COL27A1: variants seen among roughly 807,000 people sequenced by gnomAD.
COL27A1 encodes the protein collagen type XXVII alpha 1 chain.
COL27A1 carries 106 observed loss-of-function variants against 251.3 expected under a neutral mutation model. The observed-to-expected ratio is 0.42, with a 90% confidence interval of 0.36 to 0.50. The LOEUF (loss-of-function observed/expected upper bound fraction) is 0.50. Among genes scored for constraint, COL27A1 ranks in the 20% least tolerant of loss-of-function variants. The pLI is 0.00. For missense variants in COL27A1, 2,325 were observed against 2,522.8 expected, an observed-to-expected ratio of 0.92 and a Z score of 1.68; for synonymous variants, 1,000 against 986.3, an observed-to-expected ratio of 1.01 and a Z score of -0.26.
At position 114,206,104 on chromosome 9, in the gene COL27A1, G is replaced by A. The variant is rs114623743; in HGVS notation, c.2224-148G>A. ...CACCTCCCTGGGATCCTAGGGCTGT[G>A]GGGGTCAGGCCAAAGATCGCTGATC... On this transcript the variant is annotated intron_variant, in intron 9 of 60. Transcript: ENST00000356083. 2,278 of 791,228 alleles carry A rather than the reference G, an allele frequency of 2.9e-3. 30 individuals carry two copies. In the African/African-American group the frequency reaches 0.029, roughly 10 times the overall value. 49.0% of individuals were successfully genotyped at this position (791,228 alleles called of 1,614,324 possible). A position where few individuals can be genotyped will look rare whatever the true frequency, so the allele number is the denominator to read the frequency against.
intron 4 of COL27A1, 76 bp downstream of exon 4, chr9:114,178,420 G>A: frequency 7.4e-7 from 1 of 1,345,340 alleles, no homozygotes; most frequent in African/African-American, 1.4e-5. Context: ...GAGGTCTCGG[G>A]TTTGCTGTGT....
chr9:114,173,390 G>A (rs1849463105), intron 3 of COL27A1, among the ~76,000 whole-genome samples: 1 of 152,224 alleles, frequency 6.6e-6, no homozygotes, highest in Non-Finnish European at 1.5e-5. Context: ...CGAAATGCAG[G>A]TCGTCCTGAC....
intron 9 of COL27A1, 110 bp downstream of exon 9, chr9:114,205,922 C>T: frequency 5.1e-6 from 5 of 977,580 alleles, no homozygotes; most frequent in African/African-American, 1.6e-5. Flanking sequence ...GCTGCACCTG[C>T]TGGGTGGACC....
At chr9:114,247,179 G>T (rs1331636166) in intron 24 of COL27A1, among the ~76,000 whole-genome samples, 1 of 152,054 alleles carries the variant, frequency 6.6e-6, no homozygotes, top group East Asian at 1.9e-4. Flanking sequence ...ATGCTTCTTT[G>T]GCAATGCATT....
chr9:114,229,124 G>A (rs7872468), intron 14 of COL27A1, among the ~76,000 whole-genome samples: 4,331 of 152,352 alleles, frequency 0.028, 101 homozygotes, highest in Middle Eastern at 0.048. Context: ...GCGCCACGCT[G>A]GGCCTGAAAG....
At chr9:114,161,434 G>A (rs1487003551) in intron 1 of COL27A1, among the ~76,000 whole-genome samples, 1 of 152,146 alleles carries the variant, frequency 6.6e-6, no homozygotes, top group African/African-American at 2.4e-5. Context: ...GCAGGAAGGA[G>A]GGATGCTGTG....
intron 27 of COL27A1, among the ~76,000 whole-genome samples, chr9:114,256,243 G>A (rs1272799407): frequency 5.3e-5 from 8 of 152,312 alleles, no homozygotes; most frequent in Non-Finnish European, 1.0e-4. Context: ...TGTAATCCCA[G>A]CACTTTGGGA....
chr9:114,209,873 A>G, intron 11 of COL27A1, 145 bp downstream of exon 11: 1 of 735,378 alleles, frequency 1.4e-6, no homozygotes, highest in East Asian at 2.5e-5. Context: ...ATAAGGGGAC[A>G]AGTCAAGGCA....
chr9:114,189,750 C>T (rs1485884324), intron 5 of COL27A1, among the ~76,000 whole-genome samples: 5 of 152,016 alleles, frequency 3.3e-5, no homozygotes, highest in Admixed American at 6.6e-5. Flanking sequence ...TTTTTGCTGT[C>T]CTGAATGGAA....
At position 114,157,517 on chromosome 9, in the gene COL27A1, G is replaced by A. The variant is rs182700888; in HGVS notation, c.62+1505G>A. On this transcript the variant is annotated intron_variant, in intron 1 of 60. Transcript: ENST00000356083. ...TCTCCTGTGCCTCCACCAGCGCTGC[G>A]GACCCTCAGCAGCCAGCAGCCTCCT... Among the ~76,000 whole-genome samples the A allele has an allele frequency of 5.3e-5, 8 of 152,280 alleles. 1 individual carries two copies. In the East Asian group the frequency reaches 1.5e-3, roughly 29 times the overall value.
intron 58 of COL27A1, chr9:114,307,362 C>T (rs1362971611): frequency 3.2e-6 from 1 of 313,004 alleles, no homozygotes; most frequent in African/African-American, 2.2e-5. Flanking sequence ...ATCCCCCAAA[C>T]CCTTGTGCAA....
chr9:114,254,577 AG>A (rs1833800186), intron 27 of COL27A1, among the ~76,000 whole-genome samples: 1 of 152,076 alleles, frequency 6.6e-6, no homozygotes, highest in Non-Finnish European at 1.5e-5. Context: ...ACAGATCCGG[AG>A]GTAGGGCTGA....
chr9:114,290,014 A>G lies in COL27A1; in HGVS notation c.4207-44A>G. ...CCTTCCAGAGCCCCTAGGGTCCCAC[A>G]CCTCTACCAGGCAGCCTCCATCATG... is the stretch of plus-strand genomic sequence containing the variant. On this transcript the variant is annotated intron_variant, in intron 45 of 60. Coordinates refer to ENST00000356083, the MANE Select transcript of COL27A1 (RefSeq NM_032888.4). The surrounding 1 kb of genome is among the most constrained non-coding windows in gnomAD (Gnocchi z 4.6). 1 of 1,607,544 alleles carries G rather than the reference A, an allele frequency of 6.2e-7. No homozygotes were observed. Among genetic ancestry groups the G allele is most frequent in the Non-Finnish European group, 8.5e-7 (1 of 1,176,642 alleles).
chr9:114,249,113 C>T (rs1362564649), intron 24 of COL27A1, among the ~76,000 whole-genome samples: 1 of 152,132 alleles, frequency 6.6e-6, no homozygotes, highest in Non-Finnish European at 1.5e-5. Context: ...CTGATTTGCC[C>T]AGAACCCACA....
At chr9:114,193,172 A>T (rs147201429) in intron 5 of COL27A1, among the ~76,000 whole-genome samples, 1 of 152,258 alleles carries the variant, frequency 6.6e-6, no homozygotes, top group African/African-American at 2.4e-5. Flanking sequence ...GAGAGGGCTC[A>T]AGGTGGGATA....
intron 27 of COL27A1, 63 bp from the exon 28 acceptor site, chr9:114,258,478 G>GC (rs1304140437): frequency 1.3e-5 from 20 of 1,512,430 alleles, no homozygotes; most frequent in African/African-American, 2.8e-5. Flanking sequence ...CACACTCCCA[G>GC]CCCCCCGTGT....
At chr9:114,187,973 T>C (rs780465644) in intron 5 of COL27A1, among the ~76,000 whole-genome samples, 1 of 152,232 alleles carries the variant, frequency 6.6e-6, no homozygotes, top group Non-Finnish European at 1.5e-5. Context: ...GAATCCTGGC[T>C]CTACTGATGC....
chr9:114,283,885 GTGGGGTCTCACCTGCCCCAGGGAGCGC>G, intron 40 of COL27A1, 123 bp downstream of exon 40: 5 of 1,021,972 alleles, frequency 4.9e-6, no homozygotes, highest in Non-Finnish European at 7.4e-6. Context: ...TACTGAAGAT[GTGGGGTCTCACCTGCCCCAGGGAGCGC>G]TGGGCCCAGA....
chr9:114,238,862 G>A (rs1179543443), intron 19 of COL27A1, among the ~76,000 whole-genome samples: 1 of 152,176 alleles, frequency 6.6e-6, no homozygotes, highest in South Asian at 2.1e-4. Flanking sequence ...CACGACAGCC[G>A]CATGAGGGGG....
Sources: gnomAD v4.1 joint callset for allele counts (sites outside exome capture counted in the v4.1 genomes callset) on GRCh38, gnomAD v4.1.1 for gene constraint, Gnocchi (gnomAD v3.1) non-coding constraint, MANE v1.5 for transcripts, NCBI Gene and HGNC (gene_info 2026-07-23, HGNC 2026-07-21) for gene names.